The following FGD5 variants were observed in gnomAD, a reference collection of about 807,000 sequenced individuals.
FGD5 encodes the protein FYVE, RhoGEF and PH domain-containing protein 5.
FGD5 carries 28 observed loss-of-function variants against 133.4 expected under a neutral mutation model. That is an observed-to-expected ratio of 0.21 (90% CI 0.16 to 0.29). The LOEUF is 0.29. Ranked by LOEUF, FGD5 falls within the 10% of genes least tolerant of loss-of-function variation. FGD5 has a pLI of 1.00. For missense variants in FGD5, 1,858 were observed against 1,895.2 expected (o/e 0.98, Z 0.36); for synonymous variants, 810 against 776.5 (o/e 1.04, Z -0.72).
At chr3:14,869,596 C>T (rs777081904) in intron 2 of FGD5, among the ~76,000 whole-genome samples, 2 of 152,200 alleles carry the variant, frequency 1.3e-5, no homozygotes, top group Admixed American at 1.3e-4. Context: ...ACTGACTCCC[C>T]ATTCCTCCTC....
chr3:14,816,504 A>G (rs1655704720), upstream of FGD5, among the ~76,000 whole-genome samples: 1 of 152,128 alleles, frequency 6.6e-6, no homozygotes, highest in Admixed American at 6.5e-5. Context: ...AAAACAATCC[A>G]TTGAGGGTAG....
chr3:14,890,816 G>C (rs2038012429), intron 4 of FGD5, among the ~76,000 whole-genome samples: 1 of 152,236 alleles, frequency 6.6e-6, no homozygotes, highest in East Asian at 1.9e-4. Flanking sequence ...AGCCGGTCTT[G>C]TCTTTGCCTG....
In FGD5 at chr3:14,897,442, A is replaced by T. The variant is rs183412379; in HGVS notation, c.2749-67A>T. 180 of 1,543,870 alleles carry T rather than the reference A, an allele frequency of 1.2e-4. No homozygotes were observed. In the African/African-American group the frequency reaches 2.3e-3, roughly 20 times the overall value. ...GCCAGGGCTCCAAAGCCCCAGGGGA[A>T]ATCTGCCAAGGAGGACTTGTGCTCA... On this transcript the variant is annotated intron_variant, in intron 4 of 19. Transcript: ENST00000285046.
At chr3:14,854,349 T>A (rs1388680348) in intron 1 of FGD5, among the ~76,000 whole-genome samples, 4 of 152,118 alleles carry the variant, frequency 2.6e-5, no homozygotes, top group Admixed American at 6.5e-5. Context: ...CCATTCAGGG[T>A]ACAACAGACC....
intron 2 of FGD5, among the ~76,000 whole-genome samples, chr3:14,872,052 T>C (rs776962568): frequency 1.8e-4 from 27 of 152,208 alleles, no homozygotes; most frequent in Non-Finnish European, 2.9e-4. Context: ...TCACGTGTGC[T>C]CACTTAAGTC....
At chr3:14,872,584 A>G (rs1182749127) in intron 2 of FGD5, among the ~76,000 whole-genome samples, 1 of 152,350 alleles carries the variant, frequency 6.6e-6, no homozygotes, top group East Asian at 1.9e-4. Context: ...GTGGATATTC[A>G]TAAAAGAAGG....
chr3:14,816,172 G>A (rs749123425), upstream of FGD5, among the ~76,000 whole-genome samples: 15 of 152,212 alleles, frequency 9.9e-5, no homozygotes, highest in Non-Finnish European at 2.2e-4. Flanking sequence ...TGGGACGGGG[G>A]TGATATAGCC....
intron 18 of FGD5, among the ~76,000 whole-genome samples, chr3:14,927,137 T>G (rs969821294): frequency 8.5e-5 from 13 of 152,356 alleles, no homozygotes; most frequent in African/African-American, 3.1e-4. Flanking sequence ...CACATCTGTT[T>G]ACTCTAAGCA....
chr3:14,861,158 C>T (rs294632), intron 1 of FGD5, among the ~76,000 whole-genome samples: 2,582 of 152,164 alleles, frequency 0.017, 33 homozygotes, highest in Middle Eastern at 0.034. Context: ...ACGCTGAAGA[C>T]GGGGGAGTGG....
chr3:14,820,109 C>T lies in FGD5; in HGVS notation c.1038C>T (p.Pro346=). Residue 346 remains proline, a synonymous_variant, in exon 1 of 20, where the codon CCC becomes CCT. Coordinates refer to ENST00000285046, the MANE Select transcript of FGD5 (RefSeq NM_152536.4). ...EDFVTSLTGS[P]YEFFPTESTS... ...TCGTGACTTCCCTCACAGGAAGCCC[C>T]TATGAGTTCTTCCCAACTGAGAGCA... The T allele has an allele frequency of 6.2e-7, 1 of 1,614,066 alleles. No individual in the cohort carries two copies. The highest frequency in any genetic ancestry group is 8.5e-7 in the Non-Finnish European group (1 of 1,179,896).
At chr3:14,930,294 A>G (rs144677116) in intron 18 of FGD5, among the ~76,000 whole-genome samples, 7 of 152,284 alleles carry the variant, frequency 4.6e-5, no homozygotes, top group African/African-American at 1.7e-4. Context: ...CCTCCAACCT[A>G]GTTCTTTTTT....
chr3:14,896,540 G>A (rs6762951), intron 4 of FGD5, among the ~76,000 whole-genome samples: 80,448 of 151,512 alleles, frequency 0.53, 22,397 homozygotes, highest in Non-Finnish European at 0.63. Context: ...GCGCGATCTC[G>A]GCTCACTGCA....
intron 4 of FGD5, among the ~76,000 whole-genome samples, chr3:14,893,211 A>G (rs1008549605): frequency 6.6e-6 from 1 of 152,180 alleles, no homozygotes; most frequent in African/African-American, 2.4e-5. Context: ...ACATAGTTTC[A>G]GGGTATGTGA....
At chr3:14,901,222 G>A (rs1377246164) in intron 9 of FGD5, among the ~76,000 whole-genome samples, 161 bp downstream of exon 9, 2 of 152,222 alleles carry the variant, frequency 1.3e-5, no homozygotes, top group Non-Finnish European at 2.9e-5. Flanking sequence ...GACTCTTGAT[G>A]TGTGACCTCA....
chr3:14,816,761 C>G (rs1055260761), upstream of FGD5, among the ~76,000 whole-genome samples: 2 of 152,218 alleles, frequency 1.3e-5, no homozygotes, highest in African/African-American at 4.8e-5. Context: ...TTGATAGTCA[C>G]TATTTCTAGA....
intron 1 of FGD5, among the ~76,000 whole-genome samples, chr3:14,849,238 C>T (rs1422906625): frequency 1.3e-5 from 2 of 152,212 alleles, no homozygotes; most frequent in African/African-American, 2.4e-5. Context: ...TGTTCATGTG[C>T]GTCAAAAGGC....
intron 1 of FGD5, among the ~76,000 whole-genome samples, chr3:14,856,029 G>C (rs2636758): frequency 0.037 from 5,597 of 152,050 alleles, 203 homozygotes; most frequent in East Asian, 0.15. Context: ...TTAGGTCTTT[G>C]ATCCCTTTTG....
upstream of FGD5, among the ~76,000 whole-genome samples, chr3:14,814,338 G>A (rs1343756173): frequency 1.3e-5 from 2 of 152,156 alleles, no homozygotes; most frequent in African/African-American, 2.4e-5. Flanking sequence ...TCCAGGTGGA[G>A]CCTATTTTTT....
intron 11 of FGD5, among the ~76,000 whole-genome samples, chr3:14,912,357 A>C (rs768300694): frequency 6.6e-6 from 1 of 152,114 alleles, no homozygotes; most frequent in Non-Finnish European, 1.5e-5. Context: ...TCCTCCCATG[A>C]GAACCCCTCA....
Sources: gnomAD v4.1 joint callset for allele counts (sites outside exome capture counted in the v4.1 genomes callset) on GRCh38, gnomAD v4.1.1 for gene constraint, MANE v1.5 for transcripts, NCBI Gene and HGNC (gene_info 2026-07-23, HGNC 2026-07-21) for gene names.